CPQ: variants seen among roughly 807,000 people sequenced by gnomAD.
CPQ encodes Ser-Met dipeptidase.
CPQ carries 37 observed loss-of-function variants against 45.7 expected under a neutral mutation model. The observed-to-expected ratio is 0.81, with a 90% CI of 0.62 to 1.07. The LOEUF (loss-of-function observed/expected upper bound fraction) is 1.07, where lower values mean the gene tolerates loss of function less well. Ranked by LOEUF, CPQ falls within the 50% of genes least tolerant of loss-of-function variation. The pLI is 0.00. For synonymous variants in CPQ, 186 were observed against 205.8 expected, an observed-to-expected ratio of 0.90 and a Z score of 0.82; for missense variants, 537 against 572.9, an observed-to-expected ratio of 0.94 and a Z score of 0.64.
chr8:96,953,210 T>C (rs1390399547), intron 4 of CPQ, among the ~76,000 whole-genome samples: 1 of 152,104 alleles, frequency 6.6e-6, no homozygotes. Context: ...CATCCTTCCT[T>C]TTCATAGAGG....
At chr8:96,845,336 C>T (rs1811669967) in intron 3 of CPQ, among the ~76,000 whole-genome samples, 1 of 152,110 alleles carries the variant, frequency 6.6e-6, no homozygotes, top group African/African-American at 2.4e-5. Flanking sequence ...TTTCGTGTAC[C>T]TCATTGTATT....
intron 3 of CPQ, among the ~76,000 whole-genome samples, chr8:96,855,986 C>A (rs2130863838): frequency 6.6e-6 from 1 of 152,242 alleles, no homozygotes; most frequent in East Asian, 1.9e-4. Flanking sequence ...ACCATTTGGC[C>A]AGTTCTGGGA....
intron 2 of CPQ, among the ~76,000 whole-genome samples, chr8:96,789,384 A>G (rs1357266254): frequency 2.6e-5 from 4 of 152,036 alleles, no homozygotes; most frequent in Non-Finnish European, 5.9e-5. Context: ...TATTTCTCCT[A>G]CACTGTTCAG....
At position 96,785,276 on chromosome 8, in the gene CPQ, A is replaced by T; in HGVS notation, c.379A>T (p.Ile127Phe). 6.2e-7 allele frequency: 1 copy of T among 1,613,158 alleles called. No homozygotes were observed. The highest frequency in any genetic ancestry group is 8.5e-7 in the Non-Finnish European group (1 of 1,179,388). Residue 127 changes from isoleucine to phenylalanine, a missense_variant, in exon 2 of 8, where the codon ATT becomes TTT. Transcript: ENST00000220763. ...EESAVMLEPR[I>F]HKIAILGLGS... ...ATCAGCTGTGATGCTGGAGCCAAGA[A>T]TTCATAAGATAGCCATCCTGGGTCT...
chr8:96,833,462 C>T (rs913990911), intron 2 of CPQ, among the ~76,000 whole-genome samples: 2 of 152,086 alleles, frequency 1.3e-5, no homozygotes, highest in African/African-American at 4.8e-5. Context: ...CCTATTGTTG[C>T]GACATCCCTT....
intron 1 of CPQ, among the ~76,000 whole-genome samples, chr8:96,705,129 T>C: frequency 6.6e-6 from 1 of 152,182 alleles, no homozygotes; most frequent in East Asian, 1.9e-4. Context: ...AAGTTTAAAC[T>C]AAACTATCTA....
chr8:97,036,284 C>A (rs1810005691), intron 6 of CPQ, among the ~76,000 whole-genome samples: 1 of 152,002 alleles, frequency 6.6e-6, no homozygotes, highest in Non-Finnish European at 1.5e-5. Flanking sequence ...CTCTTTTATG[C>A]CCAGAAAAGA....
At chr8:96,922,232 T>C (rs1169490604) in intron 4 of CPQ, among the ~76,000 whole-genome samples, 5 of 152,158 alleles carry the variant, frequency 3.3e-5, no homozygotes, top group African/African-American at 1.2e-4. Context: ...CAGACCCATA[T>C]TTATAAACAG....
chr8:97,108,813 A>C (rs1811451258), intron 7 of CPQ, among the ~76,000 whole-genome samples: 1 of 152,254 alleles, frequency 6.6e-6, no homozygotes, highest in African/African-American at 2.4e-5. Flanking sequence ...AATTATAGAC[A>C]ATAACATAAG....
At chr8:97,110,852 A>T (rs1473224582) in intron 7 of CPQ, among the ~76,000 whole-genome samples, 1 of 152,140 alleles carries the variant, frequency 6.6e-6, no homozygotes, top group East Asian at 1.9e-4. Flanking sequence ...TGTACAAACA[A>T]CCAAGTGGCC....
At chr8:96,891,049 C>T (rs1226809930) in intron 4 of CPQ, among the ~76,000 whole-genome samples, 5 of 152,212 alleles carry the variant, frequency 3.3e-5, no homozygotes, top group Admixed American at 6.5e-5. Flanking sequence ...GTCATTCCAC[C>T]ATTCTATCAA....
rs1439960494 is a variant in CPQ at position 96,816,620 on chromosome 8, C to T, written c.434-18353C>T. 3.3e-5 allele frequency among the ~76,000 whole-genome samples: 5 copies of T among 152,150 alleles called. No individual in the cohort carries two copies. The East Asian group carries it at 9.7e-4, about 29-fold the overall frequency. The stretch of plus-strand genomic sequence containing the variant: ...ACATCAGAGGAATCACAATCTATGG[C>T]AGCCATAGCCTTATGAAATGTATTT... On this transcript the variant is annotated intron_variant, in intron 2 of 7. Transcript: ENST00000220763.
chr8:96,743,437 T>C (rs1035888105), intron 1 of CPQ, among the ~76,000 whole-genome samples: 2 of 152,248 alleles, frequency 1.3e-5, no homozygotes, highest in East Asian at 1.9e-4. Flanking sequence ...TCCCATAGCT[T>C]GGAGTAATTT....
At chr8:96,868,952 G>A (rs1812029252) in intron 3 of CPQ, among the ~76,000 whole-genome samples, 1 of 151,782 alleles carries the variant, frequency 6.6e-6, no homozygotes, top group African/African-American at 2.4e-5. Context: ...AATTTTTAGA[G>A]CATTTTAAAA....
At chr8:96,667,091 A>G (rs1586350829) in intron 1 of CPQ, among the ~76,000 whole-genome samples, 1 of 100,084 alleles carries the variant, frequency 1.0e-5, no homozygotes, top group Non-Finnish European at 2.3e-5. Flanking sequence ...CATCATCCCC[A>G]CTTCTCCCAC....
intron 5 of CPQ, among the ~76,000 whole-genome samples, chr8:96,972,175 T>A (rs1813690612): frequency 6.6e-6 from 1 of 152,042 alleles, no homozygotes; most frequent in South Asian, 2.1e-4. Context: ...ACTGTGGGAG[T>A]GAGACCGGCC....
intron 1 of CPQ, among the ~76,000 whole-genome samples, chr8:96,666,576 G>A (rs1307619293): frequency 1.3e-5 from 2 of 152,004 alleles, no homozygotes; most frequent in African/African-American, 4.8e-5. Flanking sequence ...AGAAAATAAA[G>A]CCAGAACATG....
chr8:97,023,046 A>ATATATACAGTATATATACAG (rs1238071207), intron 5 of CPQ, among the ~76,000 whole-genome samples: 30 of 145,920 alleles, frequency 2.1e-4, no homozygotes, highest in African/African-American at 7.1e-4. Context: ...TATACAGTAT[A>ATATATACAGTATATATACAG]TATACTGTAT....
At chr8:96,682,073 T>G (rs568793638) in intron 1 of CPQ, among the ~76,000 whole-genome samples, 1 of 152,292 alleles carries the variant, frequency 6.6e-6, no homozygotes, top group Non-Finnish European at 1.5e-5. Context: ...CTATGGAATT[T>G]TGGGTAAATG....
Sources: gnomAD v4.1 joint callset for allele counts (sites outside exome capture counted in the v4.1 genomes callset) on GRCh38, gnomAD v4.1.1 for gene constraint, MANE v1.5 for transcripts, NCBI Gene and HGNC (gene_info 2026-07-23, HGNC 2026-07-21) for gene names.